Variants in CTNND2 observed in about 807,000 individuals in gnomAD.
CTNND2 encodes catenin delta 2, also known as catenin delta-2.
CTNND2 carries 22 observed loss-of-function variants against 144.4 expected under a neutral mutation model. That is an observed-to-expected ratio of 0.15 (90% CI 0.11 to 0.22). The LOEUF is 0.22. Ranked by LOEUF, CTNND2 falls within the 10% of genes least tolerant of loss-of-function variation. The pLI is 1.00. For missense variants in CTNND2, 1,353 were observed against 1,618.8 expected (o/e 0.84, Z 2.82); for synonymous variants, 751 against 695.6 (o/e 1.08, Z -1.25).
intron 5 of CTNND2, 99 bp downstream of exon 5, chr5:11,411,437 C>A: frequency 1.5e-6 from 1 of 679,812 alleles, no homozygotes; most frequent in East Asian, 2.6e-5. Context: ...ATCCTGAAAT[C>A]CTCATTTGAT....
chr5:11,138,524 C>T (rs771397283), intron 12 of CTNND2, among the ~76,000 whole-genome samples: 2 of 152,220 alleles, frequency 1.3e-5, no homozygotes, highest in Non-Finnish European at 2.9e-5. Context: ...GGTAGTGGCA[C>T]TGGTGGTGCC....
At chr5:11,548,079 C>G (rs571586995) in intron 3 of CTNND2, among the ~76,000 whole-genome samples, 3 of 152,226 alleles carry the variant, frequency 2.0e-5, no homozygotes, top group South Asian at 4.1e-4. Flanking sequence ...GCATGAACTA[C>G]CAGCACCCAC....
intron 12 of CTNND2, among the ~76,000 whole-genome samples, chr5:11,135,839 G>A (rs1275212451): frequency 6.6e-6 from 1 of 152,188 alleles, no homozygotes; most frequent in Non-Finnish European, 1.5e-5. Context: ...GTTACATGAA[G>A]TTGCAAACAA....
At chr5:11,745,919 T>C (rs1003152952) in intron 1 of CTNND2, among the ~76,000 whole-genome samples, 1 of 152,232 alleles carries the variant, frequency 6.6e-6, no homozygotes, top group Admixed American at 6.5e-5. Context: ...CAAGACTTCA[T>C]GAAAAAGGAA....
chr5:11,103,031 G>GAGTGCA (rs1752067037), intron 14 of CTNND2, among the ~76,000 whole-genome samples: 2 of 135,856 alleles, frequency 1.5e-5, no homozygotes, highest in South Asian at 4.6e-4. Context: ...ACCCAGGCTG[G>GAGTGCA]AGTGCAGTGG....
chr5:11,024,519 A>T (rs982430386), intron 16 of CTNND2, among the ~76,000 whole-genome samples: 4 of 152,188 alleles, frequency 2.6e-5, no homozygotes, highest in African/African-American at 9.6e-5. Context: ...TAGAAGACAA[A>T]TTTGAGCTCC....
At chr5:11,467,961 T>C (rs1766828214) in intron 3 of CTNND2, among the ~76,000 whole-genome samples, 1 of 152,270 alleles carries the variant, frequency 6.6e-6, no homozygotes, top group African/African-American at 2.4e-5. Flanking sequence ...CTTTTAGAGA[T>C]ATCGTACTGT....
At chr5:11,729,190 C>CAA (rs34925830) in intron 2 of CTNND2, among the ~76,000 whole-genome samples, 79 of 140,554 alleles carry the variant, frequency 5.6e-4, no homozygotes, top group Middle Eastern at 3.7e-3. Flanking sequence ...TATGTGCCAC[C>CAA]AAAAAAAAAA....
intron 11 of CTNND2, among the ~76,000 whole-genome samples, chr5:11,165,561 T>C (rs941949904): frequency 6.6e-6 from 1 of 152,246 alleles, no homozygotes; most frequent in Admixed American, 6.5e-5. Flanking sequence ...ATTTGTTTTA[T>C]TAGCATCTTT....
chr5:11,388,874 C>G (rs186758126), intron 6 of CTNND2, among the ~76,000 whole-genome samples: 329 of 152,280 alleles, frequency 2.2e-3, no homozygotes, highest in Non-Finnish European at 3.9e-3. Flanking sequence ...AGTATGTTAG[C>G]ACTATAAAGC....
At chr5:11,629,774 AAT>A in intron 2 of CTNND2, among the ~76,000 whole-genome samples, 1 of 152,164 alleles carries the variant, frequency 6.6e-6, no homozygotes, top group African/African-American at 2.4e-5. Context: ...GGGCTCAAGC[AAT>A]CCTCCCACCT....
At chr5:11,893,803 A>G (rs1271698771) in intron 1 of CTNND2, among the ~76,000 whole-genome samples, 4 of 152,194 alleles carry the variant, frequency 2.6e-5, no homozygotes, top group Non-Finnish European at 5.9e-5. Context: ...TGGTGTCACT[A>G]TACAATTTAT....
At chr5:11,095,628 C>T (rs1165895014) in intron 15 of CTNND2, among the ~76,000 whole-genome samples, 2 of 152,190 alleles carry the variant, frequency 1.3e-5, no homozygotes, top group African/African-American at 4.8e-5. Context: ...CCATAAGGGG[C>T]GTACAGACTA....
At chr5:11,316,182 T>C (rs891709531) in intron 9 of CTNND2, among the ~76,000 whole-genome samples, 2 of 152,206 alleles carry the variant, frequency 1.3e-5, no homozygotes, top group African/African-American at 4.8e-5. Context: ...ACACCATTTA[T>C]TGAACAATTA....
At chr5:11,896,425 T>C (rs962988724) in intron 1 of CTNND2, among the ~76,000 whole-genome samples, 5 of 152,174 alleles carry the variant, frequency 3.3e-5, no homozygotes, top group Non-Finnish European at 7.4e-5. Context: ...TCAATGAGCA[T>C]GCACTACTTT....
chr5:11,762,598 C>A (rs1439534984), intron 1 of CTNND2, among the ~76,000 whole-genome samples: 1 of 152,162 alleles, frequency 6.6e-6, no homozygotes, highest in South Asian at 2.1e-4. Context: ...TGGATGATAG[C>A]AATCAAGCAA....
chr5:11,346,735 G>A (rs1754834050), intron 8 of CTNND2, 108 bp from the exon 9 acceptor site: 9 of 1,034,072 alleles, frequency 8.7e-6, no homozygotes, highest in South Asian at 2.7e-5. Flanking sequence ...AAAAATAGGG[G>A]GTTCAAAAGA....
chr5:11,347,098 T>G (rs1178708489), intron 8 of CTNND2, among the ~76,000 whole-genome samples: 2 of 152,086 alleles, frequency 1.3e-5, no homozygotes, highest in African/African-American at 4.8e-5. Flanking sequence ...TCAAAGAAAA[T>G]AAGAAGAAAT....
chr5:11,242,476 G>A (rs747787048), intron 9 of CTNND2, among the ~76,000 whole-genome samples: 28 of 152,290 alleles, frequency 1.8e-4, no homozygotes, highest in African/African-American at 5.1e-4. Flanking sequence ...AATAAATAGC[G>A]TCTAAAACAG....
Sources: allele counts gnomAD v4.1 joint callset (sites outside exome capture counted in the v4.1 genomes callset), GRCh38; gene constraint gnomAD v4.1.1; transcripts MANE v1.5; gene names NCBI Gene and HGNC (gene_info 2026-07-23, HGNC 2026-07-21).